SLC30A7: variants seen among roughly 807,000 people sequenced by gnomAD.
SLC30A7 encodes the protein zinc transporter 7.
A neutral mutation model predicts 46.0 loss-of-function variants in SLC30A7; 35 were observed. The ratio of observed to expected loss-of-function variants is 0.76; its 90% confidence interval spans 0.58 to 1.01. SLC30A7 has a LOEUF of 1.01. Among genes scored for constraint, SLC30A7 ranks in the 50% least tolerant of loss-of-function variants. The probability of loss-of-function intolerance (pLI) is 0.00; values close to 1 mark genes in which losing one functional copy is unlikely to be tolerated. For missense variants in SLC30A7, 464 were observed against 451.1 expected (o/e 1.03, Z -0.26); for synonymous variants, 147 against 157.8 (o/e 0.93, Z 0.51).
intron 9 of SLC30A7, among the ~76,000 whole-genome samples, 198 bp downstream of exon 9, chr1:100,962,116 G>A (rs768326939): frequency 1.3e-5 from 2 of 152,198 alleles, no homozygotes; most frequent in Non-Finnish European, 2.9e-5. Flanking sequence ...AAATGTGGTA[G>A]AAATTGTTCT....
chr1:100,991,788 C>CA, the SLC30A7 span, among the ~76,000 whole-genome samples: 228 of 100,988 alleles, frequency 2.3e-3, 5 homozygotes, highest in Middle Eastern at 5.8e-3. Context: ...GACCCCATCT[C>CA]AAAAAAAAAA....
At chr1:100,912,035 A>G (rs1652133792) in intron 4 of SLC30A7, 77 bp from the exon 5 acceptor site, 2 of 1,313,252 alleles carry the variant, frequency 1.5e-6, no homozygotes, top group African/African-American at 2.9e-5. Context: ...AAAGTGTTTA[A>G]TGTTGTCTTA....
intron 6 of SLC30A7, among the ~76,000 whole-genome samples, chr1:100,915,252 T>TCTTTCTTTCTTC (rs1486603338): frequency 8.5e-5 from 12 of 141,190 alleles, no homozygotes; most frequent in African/African-American, 1.9e-4. Context: ...TTTCTTTCTT[T>TCTTTCTTTCTTC]CTTCCTTTCT....
chr1:100,995,188 A>G, the SLC30A7 span: 1 of 1,433,198 alleles, frequency 7.0e-7, no homozygotes, highest in Non-Finnish European at 9.8e-7. Context: ...TTTAATTAAA[A>G]GCTTTATCCA....
chr1:100,899,417 CCCTT>C (rs1196576385), intron 2 of SLC30A7, among the ~76,000 whole-genome samples: 3 of 152,152 alleles, frequency 2.0e-5, no homozygotes, highest in African/African-American at 7.2e-5. Context: ...TGTGATTTTT[CCCTT>C]CCTTCTAGTA....
chr1:100,934,823 T>TA (rs1557992619), intron 8 of SLC30A7, among the ~76,000 whole-genome samples: 1 of 152,126 alleles, frequency 6.6e-6, no homozygotes, highest in Non-Finnish European at 1.5e-5. Context: ...AATCTGCTAT[T>TA]ACTACCTACA....
intron 10 of SLC30A7, among the ~76,000 whole-genome samples, chr1:100,967,769 G>C (rs1353058586): frequency 6.6e-6 from 1 of 152,172 alleles, no homozygotes; most frequent in Non-Finnish European, 1.5e-5. Context: ...GATAATTCTA[G>C]ATTAGAGGAA....
At chr1:100,916,620 CTT>C (rs1185866418) in intron 6 of SLC30A7, among the ~76,000 whole-genome samples, 3 of 151,336 alleles carry the variant, frequency 2.0e-5, no homozygotes, top group Admixed American at 6.6e-5. Context: ...CAGTTACACT[CTT>C]TTAGTTATTT....
chr1:100,957,882 T>C (rs1655313221), intron 8 of SLC30A7, among the ~76,000 whole-genome samples: 1 of 152,000 alleles, frequency 6.6e-6, no homozygotes, highest in African/African-American at 2.4e-5. Context: ...GAAATGAGGA[T>C]GGAGAGAGTA....
At chr1:100,934,188 G>C (rs1170446622) in intron 8 of SLC30A7, among the ~76,000 whole-genome samples, 2 of 152,140 alleles carry the variant, frequency 1.3e-5, no homozygotes, top group African/African-American at 4.8e-5. Flanking sequence ...CTCAAGTGTG[G>C]ATTTTTGACT....
chr1:100,958,184 CT>C (rs764499081), intron 8 of SLC30A7, among the ~76,000 whole-genome samples: 30 of 148,062 alleles, frequency 2.0e-4, no homozygotes, highest in East Asian at 7.8e-4. Context: ...TTGTTGTTTT[CT>C]TTTTTTTTTG....
chr1:100,990,063 T>G, the SLC30A7 span: 25 of 269,074 alleles, frequency 9.3e-5, no homozygotes, highest in Admixed American at 5.0e-4. Context: ...CGAGACTGGG[T>G]AATTATAAAA....
intron 6 of SLC30A7, among the ~76,000 whole-genome samples, chr1:100,914,637 A>G (rs1044002178): frequency 5.3e-5 from 8 of 152,190 alleles, no homozygotes; most frequent in African/African-American, 1.9e-4. Context: ...TATTTTACAT[A>G]GTTTATAAAG....
the SLC30A7 span, among the ~76,000 whole-genome samples, chr1:100,993,925 G>A: frequency 1.3e-5 from 2 of 151,694 alleles, no homozygotes; most frequent in Non-Finnish European, 2.9e-5. Flanking sequence ...TGTATTTTTA[G>A]TACAGACGGG....
intron 8 of SLC30A7, among the ~76,000 whole-genome samples, chr1:100,944,507 ATTTTT>A (rs759169681): frequency 2.0e-5 from 3 of 151,950 alleles, no homozygotes; most frequent in Non-Finnish European, 4.4e-5. Context: ...TTATTTATTT[ATTTTT>A]TATTTTGTTA....
intron 8 of SLC30A7, among the ~76,000 whole-genome samples, chr1:100,959,237 A>G (rs1347547140): frequency 2.0e-5 from 3 of 152,210 alleles, no homozygotes; most frequent in Non-Finnish European, 4.4e-5. Flanking sequence ...TCTTAGTGGT[A>G]AAGGGATAGG....
rs1012305871 is a variant in SLC30A7, at chr1:100,896,163, G to A, written c.-100G>A. 9.6e-7 allele frequency: 1 copy of A among 1,046,152 alleles called. No individual in the cohort carries two copies. The highest frequency in any genetic ancestry group is 2.4e-5 in the East Asian group (1 of 41,750). The allele number at this position is 1,046,152 out of a possible 1,614,324, so 64.8% of individuals were successfully genotyped here. ...CAGCGGCGCGCGGCCCCGGACAAGC[G>A]CTGGGGATTCCCGTTTGAGGCGTCA... On this transcript the variant is annotated 5_prime_UTR_variant, in exon 1 of 11. Coordinates refer to ENST00000357650, the MANE Select transcript of SLC30A7 (RefSeq NM_133496.5).
the SLC30A7 span, among the ~76,000 whole-genome samples, chr1:100,987,662 TCTG>T: frequency 6.8e-6 from 1 of 146,698 alleles, no homozygotes; most frequent in Admixed American, 6.8e-5. Context: ...TTTTCTGTTG[TCTG>T]CTCTTTTTTT....
intron 10 of SLC30A7, among the ~76,000 whole-genome samples, chr1:100,968,460 C>CAAA (rs111291474): frequency 1.1e-5 from 1 of 90,404 alleles, no homozygotes; most frequent in Non-Finnish European, 2.4e-5. Context: ...GACTCTGTCT[C>CAAA]AAAAAAAAAA....
Sources: allele counts gnomAD v4.1 joint callset (sites outside exome capture counted in the v4.1 genomes callset), GRCh38; gene constraint gnomAD v4.1.1; transcripts MANE v1.5; gene names NCBI Gene and HGNC (gene_info 2026-07-23, HGNC 2026-07-21).